BANK1: variants seen among roughly 807,000 people sequenced by gnomAD.
BANK1 encodes B cell scaffold protein with ankyrin repeats 1.
Under a neutral mutation model 94.5 loss-of-function variants are expected in BANK1, and 95 were observed. That is an observed-to-expected ratio of 1.00 (90% confidence interval 0.85 to 1.19). The LOEUF (loss-of-function observed/expected upper bound fraction) is 1.19, where lower values mean the gene tolerates loss of function less well. Among genes scored for constraint, BANK1 ranks in the 50% most tolerant of loss-of-function variants. The probability of loss-of-function intolerance (pLI) is 0.00; values close to 1 mark genes in which losing one functional copy is unlikely to be tolerated. For synonymous variants in BANK1, 334 were observed against 308.4 expected, an observed-to-expected ratio of 1.08 and a Z score of -0.87; for missense variants, 987 against 932.2, an observed-to-expected ratio of 1.06 and a Z score of -0.77.
rs146660762 is a variant in BANK1 at position 102,064,722 on chromosome 4, G to C, written c.2212+1584G>C. On this transcript the variant is annotated intron_variant, in intron 13 of 16. Coordinates refer to ENST00000322953, the MANE Select transcript of BANK1 (RefSeq NM_017935.5). ...CAAATATATGAAGCAAGTGATATTA[G>C]GAGGCAGACAGTAGGTAGCCAAAGA... 3.1e-3 allele frequency among the ~76,000 whole-genome samples: 478 copies of C among 152,348 alleles called. 6 individuals are homozygous for C. Among genetic ancestry groups the C allele is most frequent in the African/African-American group, 0.011 (460 of 41,564 alleles).
intron 3 of BANK1, among the ~76,000 whole-genome samples, chr4:101,861,080 A>G (rs931983175): frequency 1.3e-5 from 2 of 152,208 alleles, no homozygotes; most frequent in African/African-American, 4.8e-5. Context: ...TTTCTGACAC[A>G]TTGCATGTGT....
chr4:101,858,646 C>A (rs923041472), intron 3 of BANK1, among the ~76,000 whole-genome samples: 2 of 152,230 alleles, frequency 1.3e-5, no homozygotes, highest in African/African-American at 4.8e-5. Flanking sequence ...CCCACTGCTG[C>A]TATCCTGATG....
intron 11 of BANK1, among the ~76,000 whole-genome samples, chr4:102,046,967 T>C (rs1476253392): frequency 6.6e-6 from 1 of 152,106 alleles, no homozygotes; most frequent in East Asian, 1.9e-4. Flanking sequence ...CAAACTAATA[T>C]TTCCTTGAAA....
intron 1 of BANK1, among the ~76,000 whole-genome samples, chr4:101,828,594 C>G (rs1380495833): frequency 3.3e-5 from 5 of 151,900 alleles, no homozygotes; most frequent in Non-Finnish European, 7.4e-5. Flanking sequence ...TCTTCTTTCA[C>G]TCAATATTAT....
intron 3 of BANK1, among the ~76,000 whole-genome samples, chr4:101,861,079 C>A (rs1396289244): frequency 2.0e-5 from 3 of 152,282 alleles, no homozygotes; most frequent in Admixed American, 6.5e-5. Context: ...TTTTCTGACA[C>A]ATTGCATGTG....
chr4:101,964,603 A>C (rs1724683220), intron 7 of BANK1, among the ~76,000 whole-genome samples: 1 of 152,048 alleles, frequency 6.6e-6, no homozygotes, highest in African/African-American at 2.4e-5. Flanking sequence ...AAATCCATTT[A>C]TATTAAAAGC....
Position 101,855,035 on chromosome 4 carries a change from AT to A in BANK1, c.472del (p.Ser158LeufsTer21). The A allele has an allele frequency of 6.2e-7, 1 of 1,605,344 alleles. No homozygotes were observed. Among genetic ancestry groups the A allele is most frequent in the South Asian group, 1.1e-5 (1 of 90,300 alleles). On this transcript the variant is annotated frameshift_variant and splice_region_variant, in exon 3 of 17. Transcript: ENST00000322953. LOFTEE classifies it high-confidence loss of function. Reference protein sequence around the residue: ...ISVIQSIIFKDSEDYFEVNIP... With the variant: ...ISVIQSIIFKXSEDYFEVNIP... ...TCTACATTCATAAAATTTTCTCTAG[AT>A]TCTGAAGACTACTTTGAGGTCAACA...
chr4:101,879,633 C>CAAA (rs372163222), intron 5 of BANK1, among the ~76,000 whole-genome samples: 3 of 151,144 alleles, frequency 2.0e-5, no homozygotes, highest in African/African-American at 7.3e-5. Flanking sequence ...AAACACACAT[C>CAAA]AAAAAAAAGA....
chr4:101,873,414 A>G (rs1245356293), intron 5 of BANK1, among the ~76,000 whole-genome samples: 1 of 152,200 alleles, frequency 6.6e-6, no homozygotes, highest in African/African-American at 2.4e-5. Flanking sequence ...TAACATGAAC[A>G]TTGTGTGAAT....
rs117576278 is a variant in BANK1 at position 101,818,060 on chromosome 4, A to G, written c.71-11748A>G. ...TGTATCATATTATGACAACTAGAGCATTTGCTCTTTTGCTATGAGCAAGTT... is the reference window on the plus strand; with the variant it reads ...TGTATCATATTATGACAACTAGAGCGTTTGCTCTTTTGCTATGAGCAAGTT... On this transcript the variant is annotated intron_variant, in intron 1 of 16. Transcript: ENST00000322953. Among the ~76,000 whole-genome samples, 54 of 152,264 alleles carry G rather than the reference A, an allele frequency of 3.5e-4. No individual in the cohort carries two copies. In the East Asian group the frequency reaches 0.01, roughly 29 times the overall value.
At chr4:102,068,033 T>A (rs1426308952) in intron 13 of BANK1, among the ~76,000 whole-genome samples, 3 of 152,086 alleles carry the variant, frequency 2.0e-5, no homozygotes, top group African/African-American at 4.8e-5. Context: ...ATTATATATC[T>A]AGAACATCTC....
chr4:101,895,544 G>A, intron 6 of BANK1, 134 bp downstream of exon 6: 1 of 558,116 alleles, frequency 1.8e-6, no homozygotes, highest in Non-Finnish European at 3.2e-6. Flanking sequence ...CCTGACTCCT[G>A]GTGAAAGGGT....
At chr4:101,808,720 G>T (rs1337876993) in intron 1 of BANK1, among the ~76,000 whole-genome samples, 1 of 151,612 alleles carries the variant, frequency 6.6e-6, no homozygotes, top group African/African-American at 2.4e-5. Flanking sequence ...ACCAAAAGAA[G>T]ATATATAAAT....
intron 7 of BANK1, among the ~76,000 whole-genome samples, chr4:101,941,353 A>G (rs934673560): frequency 2.0e-5 from 3 of 151,792 alleles, no homozygotes; most frequent in African/African-American, 7.3e-5. Context: ...AGTAGAAATT[A>G]AGATCTGGGT....
At chr4:101,826,454 G>C (rs1434843400) in intron 1 of BANK1, among the ~76,000 whole-genome samples, 1 of 151,942 alleles carries the variant, frequency 6.6e-6, no homozygotes, top group African/African-American at 2.4e-5. Flanking sequence ...GAAACACATA[G>C]AGACCTAATT....
intron 5 of BANK1, among the ~76,000 whole-genome samples, chr4:101,893,980 T>G (rs1297489017): frequency 6.6e-6 from 1 of 152,084 alleles, no homozygotes; most frequent in African/African-American, 2.4e-5. Flanking sequence ...GATACCTACA[T>G]GCCTATATGC....
rs1483379192 is a variant in BANK1 at position 102,060,329 on chromosome 4, A to C, written c.2088A>C (p.Glu696Asp). 6.2e-7 allele frequency: 1 copy of C among 1,610,924 alleles called. No homozygotes were observed. Among genetic ancestry groups the C allele is most frequent in the Non-Finnish European group, 8.5e-7 (1 of 1,178,896 alleles). ...KVKNGKMSMDEALEKFKHWQM... is the reference protein window; with the variant it reads ...KVKNGKMSMDDALEKFKHWQM... The stretch of plus-strand genomic sequence containing the variant: ...AGAATGGGAAAATGTCTATGGATGA[A>C]GCTCTGGAGAAATTTAAACACTGGC... Residue 696 changes from glutamate to aspartate, a missense_variant, in exon 12 of 17, where the codon GAA (glutamate) becomes GAC (aspartate). Physicochemically the swap from Glu to Asp is conservative, Grantham distance 45. Coordinates refer to ENST00000322953, the MANE Select transcript of BANK1 (RefSeq NM_017935.5).
At chr4:101,991,839 G>A (rs1725720813) in intron 7 of BANK1, among the ~76,000 whole-genome samples, 1 of 152,210 alleles carries the variant, frequency 6.6e-6, no homozygotes, top group Admixed American at 6.5e-5. Context: ...GCACATACAT[G>A]TACATGTCTG....
intron 7 of BANK1, among the ~76,000 whole-genome samples, chr4:102,001,209 A>G (rs1356157957): frequency 6.6e-6 from 1 of 152,234 alleles, no homozygotes; most frequent in African/African-American, 2.4e-5. Flanking sequence ...GCATGGGGAC[A>G]CTTCAGGTAA....
Sources: allele counts gnomAD v4.1 joint callset (sites outside exome capture counted in the v4.1 genomes callset), GRCh38; gene constraint gnomAD v4.1.1; transcripts MANE v1.5; gene names NCBI Gene and HGNC (gene_info 2026-07-23, HGNC 2026-07-21).